The following ADARB2 variants were observed in gnomAD, a reference collection of about 807,000 sequenced individuals.
The protein encoded by ADARB2 is inactive double-stranded RNA-specific editase B2.
ADARB2 carries 25 observed loss-of-function variants against 62.2 expected under a neutral mutation model. The observed-to-expected ratio is 0.40, with a 90% CI of 0.29 to 0.56. The LOEUF (loss-of-function observed/expected upper bound fraction) is 0.56. Among genes scored for constraint, ADARB2 ranks in the 20% least tolerant of loss-of-function variants. The probability of loss-of-function intolerance (pLI) is 0.43; values close to 1 mark genes in which losing one functional copy is unlikely to be tolerated. For missense variants in ADARB2, 1,071 were observed against 1,077.4 expected, an observed-to-expected ratio of 0.99 and a Z score of 0.08; for synonymous variants, 572 against 500.8, an observed-to-expected ratio of 1.14 and a Z score of -1.90.
chr10:1,254,086 G>A (rs548483795), intron 4 of ADARB2, among the ~76,000 whole-genome samples: 26 of 151,958 alleles, frequency 1.7e-4, no homozygotes, highest in African/African-American at 4.3e-4. Context: ...TTAGGATGCC[G>A]CGGTCTCTGG....
chr10:1,375,447 G>A (rs1227918576), intron 2 of ADARB2, among the ~76,000 whole-genome samples: 1 of 152,212 alleles, frequency 6.6e-6, no homozygotes, highest in Non-Finnish European at 1.5e-5. Context: ...CATGGTGTGT[G>A]CCCTGTGAGC....
chr10:1,454,113 G>A lies in ADARB2; in HGVS notation c.101-74953C>T, dbSNP rs1038438819. Among the ~76,000 whole-genome samples, 4 of 152,350 alleles carry A rather than the reference G, an allele frequency of 2.6e-5. No homozygotes were observed. The South Asian group carries it at 8.3e-4, about 32-fold the overall frequency. On this transcript the variant is annotated intron_variant, in intron 1 of 9. Transcript: ENST00000381312. ...CTCACAGTCATGGCAGAAGGGGAAT[G>A]AGGAGCAAAGTCACATCTTACATGG...
chr10:1,669,123 T>C (rs1834348580), intron 1 of ADARB2, among the ~76,000 whole-genome samples: 1 of 152,168 alleles, frequency 6.6e-6, no homozygotes, highest in African/African-American at 2.4e-5. Flanking sequence ...CACAGTGAGA[T>C]GAGAAGCCCA....
intron 2 of ADARB2, among the ~76,000 whole-genome samples, chr10:1,364,871 ATTTTT>A (rs35539783): frequency 3.1e-5 from 4 of 127,342 alleles, no homozygotes; most frequent in Admixed American, 1.6e-4. Context: ...CATTTTGGTA[ATTTTT>A]TTTTTTTTTT....
At chr10:1,562,755 T>C (rs1334311886) in intron 1 of ADARB2, among the ~76,000 whole-genome samples, 1 of 152,210 alleles carries the variant, frequency 6.6e-6, no homozygotes, top group Non-Finnish European at 1.5e-5. Flanking sequence ...CTTCACTTCT[T>C]TGCCTCACGT....
intron 1 of ADARB2, among the ~76,000 whole-genome samples, chr10:1,546,133 G>C (rs1832515647): frequency 6.6e-6 from 1 of 152,014 alleles, no homozygotes; most frequent in South Asian, 2.1e-4. Flanking sequence ...TTGACTGATG[G>C]CTCCCCCTAA....
At chr10:1,381,444 G>A (rs780182198) in intron 1 of ADARB2, among the ~76,000 whole-genome samples, 5 of 152,238 alleles carry the variant, frequency 3.3e-5, no homozygotes, top group Non-Finnish European at 7.3e-5. Flanking sequence ...ATGGGGAAAT[G>A]AGAGCCCTCC....
chr10:1,206,640 C>T, intron 7 of ADARB2, among the ~76,000 whole-genome samples: 1 of 152,184 alleles, frequency 6.6e-6, no homozygotes, highest in South Asian at 2.1e-4. Context: ...TTGGTTCTTT[C>T]TGTGAAGATG....
intron 3 of ADARB2, among the ~76,000 whole-genome samples, chr10:1,344,343 G>C (rs959610248): frequency 6.6e-6 from 1 of 152,242 alleles, no homozygotes; most frequent in Non-Finnish European, 1.5e-5. Context: ...CAATGACCTG[G>C]TGAGAAGGTG....
At chr10:1,684,849 G>C (rs1252955881) in intron 1 of ADARB2, among the ~76,000 whole-genome samples, 1 of 152,230 alleles carries the variant, frequency 6.6e-6, no homozygotes, top group Non-Finnish European at 1.5e-5. Context: ...TGAGTTCTGA[G>C]TGTGGGTTCT....
intron 1 of ADARB2, among the ~76,000 whole-genome samples, chr10:1,547,759 G>A: frequency 7.1e-6 from 1 of 140,738 alleles, no homozygotes; most frequent in African/African-American, 2.6e-5. Flanking sequence ...GTGTTGGGGG[G>A]AGAGGCTGCA....
intron 1 of ADARB2, among the ~76,000 whole-genome samples, chr10:1,598,037 A>T (rs1409098821): frequency 6.6e-6 from 1 of 152,260 alleles, no homozygotes; most frequent in Non-Finnish European, 1.5e-5. Context: ...CAAATGCCAC[A>T]TGTTCTGACT....
At chr10:1,483,425 G>A (rs1475770995) in intron 1 of ADARB2, among the ~76,000 whole-genome samples, 2 of 152,172 alleles carry the variant, frequency 1.3e-5, no homozygotes, top group East Asian at 1.9e-4. Context: ...ACAGTTCGAT[G>A]GTAATTCCAA....
At chr10:1,204,123 C>T (rs973424887) in intron 7 of ADARB2, among the ~76,000 whole-genome samples, 1 of 152,180 alleles carries the variant, frequency 6.6e-6, no homozygotes, top group Admixed American at 6.5e-5. Context: ...CACACCCTAC[C>T]TCCAAACCCT....
At chr10:1,317,517 G>A (rs888191455) in intron 3 of ADARB2, among the ~76,000 whole-genome samples, 4 of 152,112 alleles carry the variant, frequency 2.6e-5, no homozygotes, top group Non-Finnish European at 4.4e-5. Flanking sequence ...AGTTTTGATG[G>A]CTCTGGGAGA....
At chr10:1,611,341 C>T (rs1158666164) in intron 1 of ADARB2, among the ~76,000 whole-genome samples, 1 of 152,220 alleles carries the variant, frequency 6.6e-6, no homozygotes, top group East Asian at 1.9e-4. Flanking sequence ...TCTCAACTTA[C>T]TCTCAGAACA....
intron 1 of ADARB2, among the ~76,000 whole-genome samples, chr10:1,650,555 C>T (rs1834097557): frequency 6.6e-6 from 1 of 152,186 alleles, no homozygotes; most frequent in African/African-American, 2.4e-5. Context: ...CCTTCCCATA[C>T]AAAAGTGGCA....
intron 1 of ADARB2, among the ~76,000 whole-genome samples, chr10:1,720,967 G>A (rs188436757): frequency 2.4e-4 from 36 of 152,308 alleles, no homozygotes; most frequent in African/African-American, 8.2e-4. Context: ...CTTTGAATGT[G>A]CATCTTCCCA....
chr10:1,576,513 G>C (rs899705681), intron 1 of ADARB2, among the ~76,000 whole-genome samples: 3 of 152,264 alleles, frequency 2.0e-5, no homozygotes, highest in Middle Eastern at 3.4e-3. Context: ...GTGCTGGCAG[G>C]AGCCGAGAGG....
Sources: allele counts gnomAD v4.1 joint callset (sites outside exome capture counted in the v4.1 genomes callset), GRCh38; gene constraint gnomAD v4.1.1; transcripts MANE v1.5; gene names NCBI Gene and HGNC (gene_info 2026-07-23, HGNC 2026-07-21).